The following ADCY8 variants were observed in gnomAD, a reference collection of about 807,000 sequenced individuals.
The protein encoded by ADCY8 is adenylate cyclase type 8.
In ADCY8, 51 loss-of-function variants were observed where a neutral mutation model predicts 119.7. The observed-to-expected ratio is 0.43, with a 90% CI of 0.34 to 0.54. The LOEUF (loss-of-function observed/expected upper bound fraction) is 0.54. Ranked by LOEUF, ADCY8 falls within the 20% of genes least tolerant of loss-of-function variation. ADCY8 has a pLI of 0.03. For missense variants in ADCY8, 1,383 were observed against 1,598.8 expected (o/e 0.87, Z 2.30); for synonymous variants, 665 against 651.0 (o/e 1.02, Z -0.33).
intron 2 of ADCY8, among the ~76,000 whole-genome samples, chr8:130,959,870 T>G (rs1240404270): frequency 6.6e-6 from 1 of 152,136 alleles, no homozygotes; most frequent in Middle Eastern, 3.2e-3. Context: ...CGTGAGGGTA[T>G]GGAGACATGC....
At chr8:130,822,622 G>A (rs1816553383) in intron 12 of ADCY8, among the ~76,000 whole-genome samples, 1 of 151,198 alleles carries the variant, frequency 6.6e-6, no homozygotes, top group African/African-American at 2.4e-5. Flanking sequence ...TCACCATCAG[G>A]CTTATTTTGA....
chr8:131,005,703 C>T (rs771685746), intron 1 of ADCY8, among the ~76,000 whole-genome samples: 3 of 152,174 alleles, frequency 2.0e-5, no homozygotes, highest in Non-Finnish European at 2.9e-5. Flanking sequence ...ATTGCTTATC[C>T]TGCTGTGCTG....
intron 5 of ADCY8, among the ~76,000 whole-genome samples, chr8:130,928,604 C>A (rs915277231): frequency 3.3e-5 from 5 of 152,194 alleles, no homozygotes; most frequent in African/African-American, 1.2e-4. Context: ...ACCATCCATG[C>A]ATCCTGGGAT....
chr8:130,968,060 G>A (rs906600370), intron 2 of ADCY8, among the ~76,000 whole-genome samples: 16 of 152,200 alleles, frequency 1.1e-4, no homozygotes, highest in African/African-American at 3.9e-4. Flanking sequence ...CCATGGGCAT[G>A]GGCAGGTGGG....
intron 8 of ADCY8, among the ~76,000 whole-genome samples, 161 bp from the exon 9 acceptor site, chr8:130,868,107 G>A (rs1249201855): frequency 1.3e-5 from 2 of 152,104 alleles, no homozygotes; most frequent in Non-Finnish European, 2.9e-5. Flanking sequence ...CATCCCTCCT[G>A]CCAACTTTCC....
chr8:130,792,158 A>C (rs1183105754), intron 15 of ADCY8, among the ~76,000 whole-genome samples: 2 of 152,156 alleles, frequency 1.3e-5, no homozygotes, highest in Non-Finnish European at 2.9e-5. Flanking sequence ...CACTGGACCC[A>C]GCTGATGGGG....
At chr8:130,917,771 G>A (rs1820174396) in intron 5 of ADCY8, among the ~76,000 whole-genome samples, 1 of 151,768 alleles carries the variant, frequency 6.6e-6, no homozygotes, top group South Asian at 2.1e-4. Context: ...GTTTGTGTGT[G>A]TGTGTGTGTG....
intron 5 of ADCY8, among the ~76,000 whole-genome samples, chr8:130,915,656 G>C (rs897008873): frequency 2.6e-5 from 4 of 152,122 alleles, no homozygotes; most frequent in African/African-American, 7.2e-5. Flanking sequence ...TAGCCTGGTG[G>C]ATACTGAACA....
intron 9 of ADCY8, among the ~76,000 whole-genome samples, chr8:130,857,066 G>GGC (rs1817762350): frequency 6.8e-6 from 1 of 147,656 alleles, no homozygotes; most frequent in Non-Finnish European, 1.5e-5. Context: ...GAACTTTGCA[G>GGC]GGCACACCAA....
chr8:130,941,659 C>T (rs1163085395), intron 4 of ADCY8, among the ~76,000 whole-genome samples: 2 of 152,132 alleles, frequency 1.3e-5, no homozygotes, highest in Non-Finnish European at 2.9e-5. Context: ...TCCTCCTCCG[C>T]CCCCGTCAGT....
intron 12 of ADCY8, among the ~76,000 whole-genome samples, chr8:130,823,658 A>G (rs1196654755): frequency 6.6e-6 from 1 of 152,198 alleles, no homozygotes; most frequent in Non-Finnish European, 1.5e-5. Context: ...TATCACAAAA[A>G]TTAATATTTG....
intron 8 of ADCY8, among the ~76,000 whole-genome samples, chr8:130,880,429 A>G (rs906820417): frequency 5.3e-5 from 8 of 152,206 alleles, no homozygotes; most frequent in African/African-American, 1.9e-4. Flanking sequence ...ATAAGGAAAT[A>G]CCAATGTGAT....
intron 7 of ADCY8, among the ~76,000 whole-genome samples, chr8:130,897,017 G>A (rs1819415243): frequency 1.3e-5 from 2 of 152,082 alleles, no homozygotes; most frequent in African/African-American, 4.8e-5. Context: ...GCCTTGGAGG[G>A]GAGAAGTGGT....
intron 2 of ADCY8, 124 bp downstream of exon 2, chr8:130,990,269 C>T: frequency 1.7e-5 from 22 of 1,290,006 alleles, no homozygotes; most frequent in Non-Finnish European, 2.2e-5. Context: ...CTCTGGAATC[C>T]TGTGACATAA....
At chr8:130,870,184 T>G (rs988820027) in intron 8 of ADCY8, among the ~76,000 whole-genome samples, 27 of 151,886 alleles carry the variant, frequency 1.8e-4, no homozygotes, top group African/African-American at 6.3e-4. Context: ...TGGCTAATTT[T>G]TGTATTTTTA....
intron 1 of ADCY8, among the ~76,000 whole-genome samples, chr8:131,020,975 A>T (rs1256975646): frequency 1.3e-5 from 2 of 152,186 alleles, no homozygotes; most frequent in South Asian, 4.1e-4. Flanking sequence ...ATATGGAGCA[A>T]AGCAAAACAA....
In ADCY8 at chr8:130,814,194, G is replaced by A. The variant is rs765725170; in HGVS notation, c.2788C>T (p.Arg930Ter). 3.1e-6 allele frequency: 5 copies of A among 1,613,986 alleles called. No individual in the cohort carries two copies. Among genetic ancestry groups the A allele is most frequent in the South Asian group, 1.1e-5 (1 of 91,064 alleles). ...EYTARLDFLW[R>*]VQAKEEINEM... is the part of the protein sequence containing the mutation. ...TTGATCTCCTCTTTGGCCTGTACTCGCCAAAGGAAGTCCAGGCGGGCTGTG... is the reference window on the plus strand; with the variant it reads ...TTGATCTCCTCTTTGGCCTGTACTCACCAAAGGAAGTCCAGGCGGGCTGTG... Residue 930 changes from arginine to a stop codon, truncating the protein, a stop_gained, in exon 14 of 18, where the codon CGA becomes TGA. Coordinates refer to ENST00000286355, the MANE Select transcript of ADCY8 (RefSeq NM_001115.3). LOFTEE classifies it high-confidence loss of function.
intron 12 of ADCY8, among the ~76,000 whole-genome samples, chr8:130,826,053 G>A (rs1816659524): frequency 6.6e-6 from 1 of 152,210 alleles, no homozygotes; most frequent in Admixed American, 6.5e-5. Context: ...ATAAACATGA[G>A]AGTAGAATTG....
chr8:130,793,859 T>C (rs1397242508), intron 15 of ADCY8, among the ~76,000 whole-genome samples: 1 of 152,212 alleles, frequency 6.6e-6, no homozygotes. Flanking sequence ...GTGAATACTA[T>C]ACTGGGTTAA....
Sources: allele counts gnomAD v4.1 joint callset (sites outside exome capture counted in the v4.1 genomes callset), GRCh38; gene constraint gnomAD v4.1.1; transcripts MANE v1.5; gene names NCBI Gene and HGNC (gene_info 2026-07-23, HGNC 2026-07-21).